The following IL15 variants were observed in gnomAD, a reference collection of about 807,000 sequenced individuals.
The protein encoded by IL15 is interleukin 15, also known as interleukin-15.
In IL15, 11 loss-of-function variants were observed where a neutral mutation model predicts 19.6. That is an observed-to-expected ratio of 0.56 (90% CI 0.35 to 0.93). The LOEUF (loss-of-function observed/expected upper bound fraction) is 0.93. Among genes scored for constraint, IL15 ranks in the 40% least tolerant of loss-of-function variants. The pLI, the probability that IL15 is intolerant of heterozygous loss-of-function variation, is 0.01. For missense variants in IL15, 197 were observed against 186.5 expected (o/e 1.06, Z -0.33); for synonymous variants, 58 against 59.6 (o/e 0.97, Z 0.12).
At chr4:141,729,382 A>G (rs1377700609) in intron 6 of IL15, among the ~76,000 whole-genome samples, 1 of 152,112 alleles carries the variant, frequency 6.6e-6, no homozygotes, top group African/African-American at 2.4e-5. Flanking sequence ...TTTTCTAATA[A>G]ATTTCTTGGA....
intron 2 of IL15, among the ~76,000 whole-genome samples, chr4:141,712,247 A>G (rs1039590629): frequency 1.3e-5 from 2 of 152,084 alleles, no homozygotes; most frequent in Non-Finnish European, 2.9e-5. Flanking sequence ...TCTTCACCTT[A>G]GTGAGTGTTT....
At chr4:141,649,013 T>C (rs1727320131) in intron 1 of IL15, among the ~76,000 whole-genome samples, 1 of 152,128 alleles carries the variant, frequency 6.6e-6, no homozygotes, top group Non-Finnish European at 1.5e-5. Context: ...GGAACAATTA[T>C]TGTTTGCATG....
At chr4:141,683,256 A>C (rs1235298617) in intron 2 of IL15, among the ~76,000 whole-genome samples, 2 of 143,380 alleles carry the variant, frequency 1.4e-5, no homozygotes, top group Non-Finnish European at 3.0e-5. Context: ...CGACAGAGCG[A>C]GACTCCATTT....
chr4:141,669,919 G>A lies in IL15; in HGVS notation c.-100+13612G>A, dbSNP rs537712360. ...AGAAATCTAGATTAATGTTCACCGTGTGGATAATTTGAAAACTCTTGAGTA... is the reference window on the plus strand; with the variant it reads ...AGAAATCTAGATTAATGTTCACCGTATGGATAATTTGAAAACTCTTGAGTA... On this transcript the variant is annotated intron_variant, in intron 2 of 7. Coordinates refer to ENST00000320650, the MANE Select transcript of IL15 (RefSeq NM_000585.5). Among the ~76,000 whole-genome samples the A allele has an allele frequency of 6.6e-5, 10 of 151,870 alleles. No homozygotes were observed. In the South Asian group the frequency reaches 1.9e-3, roughly 28 times the overall value.
chr4:141,728,080 C>T, intron 6 of IL15, 96 bp downstream of exon 6: 1 of 640,190 alleles, frequency 1.6e-6, no homozygotes, highest in Non-Finnish European at 2.7e-6. Context: ...GTTTTAAAAT[C>T]TAACTTTTGG....
intron 2 of IL15, among the ~76,000 whole-genome samples, chr4:141,658,872 T>A (rs1727695444): frequency 6.6e-6 from 1 of 151,870 alleles, no homozygotes; most frequent in Non-Finnish European, 1.5e-5. Flanking sequence ...TTTTTTTTTT[T>A]TTTTTGAGAC....
At chr4:141,700,011 C>T (rs990228824) in intron 2 of IL15, among the ~76,000 whole-genome samples, 17 of 151,922 alleles carry the variant, frequency 1.1e-4, no homozygotes, top group Admixed American at 3.3e-4. Flanking sequence ...CCCCATCTCC[C>T]GGGTTCAGGC....
chr4:141,728,317 G>A (rs1730337459), intron 6 of IL15, among the ~76,000 whole-genome samples: 1 of 152,034 alleles, frequency 6.6e-6, no homozygotes, highest in South Asian at 2.1e-4. Flanking sequence ...TTTAAGAGTA[G>A]CCAATATATC....
intron 1 of IL15, among the ~76,000 whole-genome samples, chr4:141,651,225 C>G (rs951100427): frequency 6.6e-6 from 1 of 151,724 alleles, no homozygotes; most frequent in East Asian, 1.9e-4. Flanking sequence ...TATATATACA[C>G]ATACACAATG....
intron 5 of IL15, among the ~76,000 whole-genome samples, chr4:141,722,309 A>G (rs979352782): frequency 3.9e-5 from 6 of 152,070 alleles, no homozygotes; most frequent in African/African-American, 1.4e-4. Context: ...GAATGGCTTG[A>G]CCCAGGGAAC....
intron 2 of IL15, among the ~76,000 whole-genome samples, chr4:141,689,230 T>C (rs1344757858): frequency 2.0e-5 from 3 of 152,154 alleles, no homozygotes; most frequent in Non-Finnish European, 4.4e-5. Context: ...GCTTCCACAG[T>C]GTGGAAGGGG....
At chr4:141,689,954 G>C (rs997108604) in intron 2 of IL15, among the ~76,000 whole-genome samples, 15 of 152,198 alleles carry the variant, frequency 9.9e-5, no homozygotes, top group African/African-American at 2.7e-4. Context: ...GCCCATGGAG[G>C]GGGTGGGAGG....
At chr4:141,727,915 A>T in intron 5 of IL15, 25 bp from the exon 6 acceptor site, 1 of 984,974 alleles carries the variant, frequency 1.0e-6, no homozygotes, top group Non-Finnish European at 1.6e-6. Flanking sequence ...AGTTTTTAAT[A>T]TTGTCTAATT....
chr4:141,666,841 A>G (rs1400249814), intron 2 of IL15, among the ~76,000 whole-genome samples: 1 of 152,214 alleles, frequency 6.6e-6, no homozygotes, highest in African/African-American at 2.4e-5. Flanking sequence ...AATGCTGCAC[A>G]GAGAGGCCAA....
rs1729853293 is a variant in IL15 at position 141,715,508 on chromosome 4, A to T, written c.-99-3858A>T. ...TTTTCACTCTCTAATAAAATACATA[A>T]TTATAATAACTTATTTGTGCATTTT... is the stretch of plus-strand genomic sequence containing the variant. On this transcript the variant is annotated intron_variant, in intron 2 of 7. Transcript: ENST00000320650. 4 of 152,190 alleles carry T rather than the reference A, an allele frequency of 2.6e-5. No homozygotes were observed. The South Asian group carries it at 8.3e-4, about 32-fold the overall frequency. 9.4% of individuals were successfully genotyped at this position (152,190 alleles called of 1,614,324 possible).
rs955242133 is a variant in IL15, at chr4:141,698,807, AT to A, written c.-99-20552del. On this transcript the variant is annotated intron_variant, in intron 2 of 7. Transcript: ENST00000320650. ...GCTTTTTGTTTCATTTATCTTTTGT[AT>A]TTTTTTCTTTCATTTTCATTTAGTT... Among the ~76,000 whole-genome samples, 940 of 148,630 alleles carry A rather than the reference AT, an allele frequency of 6.3e-3. 18 individuals are homozygous for A. Among genetic ancestry groups the A allele is most frequent in the African/African-American group, 0.023 (910 of 40,384 alleles).
chr4:141,643,546 G>C (rs1171121223), intron 1 of IL15, among the ~76,000 whole-genome samples: 1 of 152,156 alleles, frequency 6.6e-6, no homozygotes, highest in African/African-American at 2.4e-5. Context: ...CAGGACCTGA[G>C]AGTTCTTCAT....
chr4:141,686,366 G>A (rs967742852), intron 2 of IL15, among the ~76,000 whole-genome samples: 1 of 151,824 alleles, frequency 6.6e-6, no homozygotes, highest in South Asian at 2.1e-4. Context: ...AGTAAATATT[G>A]AATCATAAAT....
chr4:141,721,928 T>C lies in IL15; in HGVS notation c.115T>C (p.Phe39Leu), dbSNP rs1335173673. ...GCTCTATGGTTTTTCTTTCAGCTGT[T>C]TCAGTGCAGGGCTTCCTAAAACAGA... is the stretch of plus-strand genomic sequence containing the variant. ...AGIHVFILGC[F>L]SAGLPKTEAN... The change falls in exon 5 of 8, where the codon TTC becomes CTC. Residue 39 changes from phenylalanine to leucine, a missense_variant. Phe to Leu is a conservative substitution (Grantham distance 22, BLOSUM62 0). Coordinates refer to ENST00000320650, the MANE Select transcript of IL15 (RefSeq NM_000585.5). 1 of 1,583,678 alleles carries C rather than the reference T, an allele frequency of 6.3e-7. No individual in the cohort carries two copies. The highest frequency in any genetic ancestry group is 1.7e-5 in the Admixed American group (1 of 58,798).
Sources: allele counts gnomAD v4.1 joint callset (sites outside exome capture counted in the v4.1 genomes callset), GRCh38; gene constraint gnomAD v4.1.1; transcripts MANE v1.5; gene names NCBI Gene and HGNC (gene_info 2026-07-23, HGNC 2026-07-21).